Variants in CCDC91 observed in about 807,000 individuals in gnomAD.
CCDC91 encodes coiled-coil domain containing 91.
A neutral mutation model predicts 63.2 loss-of-function variants in CCDC91; 48 were observed. That is an observed-to-expected ratio of 0.76 (90% CI 0.60 to 0.97). The LOEUF is 0.97. Ranked by LOEUF, CCDC91 falls within the 50% of genes least tolerant of loss-of-function variation. The pLI, the probability that CCDC91 is intolerant of heterozygous loss-of-function variation, is 0.00. For synonymous variants in CCDC91, 167 were observed against 165.8 expected (o/e 1.01, Z -0.06); for missense variants, 500 against 494.6 (o/e 1.01, Z -0.10).
At chr12:28,299,866 A>C (rs1263672029) in intron 3 of CCDC91, among the ~76,000 whole-genome samples, 2 of 151,046 alleles carry the variant, frequency 1.3e-5, no homozygotes, top group African/African-American at 4.8e-5. Flanking sequence ...TCTAGGTTTT[A>C]AATGTTCTTT....
intron 3 of CCDC91, among the ~76,000 whole-genome samples, chr12:28,294,758 G>A (rs1261286947): frequency 6.6e-6 from 1 of 151,784 alleles, no homozygotes; most frequent in Non-Finnish European, 1.5e-5. Flanking sequence ...CTAATTTTTG[G>A]ATTTTTAGTA....
chr12:28,435,222 T>G (rs1435565044), intron 8 of CCDC91, among the ~76,000 whole-genome samples: 5 of 151,816 alleles, frequency 3.3e-5, no homozygotes, highest in Non-Finnish European at 5.9e-5. Context: ...AAGCTAAGAT[T>G]ATTGATTTAG....
chr12:28,275,109 T>C (rs571624406), intron 3 of CCDC91, among the ~76,000 whole-genome samples: 1 of 151,848 alleles, frequency 6.6e-6, no homozygotes, highest in East Asian at 1.9e-4. Flanking sequence ...AGGCAAGAAA[T>C]AACTAAGATC....
intron 7 of CCDC91, among the ~76,000 whole-genome samples, chr12:28,370,519 A>G (rs1259691759): frequency 6.6e-6 from 1 of 152,168 alleles, no homozygotes; most frequent in African/African-American, 2.4e-5. Context: ...GGAAGTTACA[A>G]ACTTTCCCAC....
chr12:28,332,209 T>C (rs1941573371), intron 6 of CCDC91, among the ~76,000 whole-genome samples: 1 of 152,124 alleles, frequency 6.6e-6, no homozygotes, highest in African/African-American at 2.4e-5. Flanking sequence ...AAATCAGATC[T>C]GGGACTTATT....
At position 28,248,373 on chromosome 12, in the gene CCDC91, C is replaced by T. The variant is rs192666068; in HGVS notation, c.-14-8829C>T. On this transcript the variant is annotated intron_variant, in intron 1 of 12. Coordinates refer to ENST00000536442, the MANE Select transcript of CCDC91 (RefSeq NM_018318.5). ...TAAATTAGAGATAGAGATACCATAGCTTATGTTTGTAAATGAATCCAAAGA... is the reference window on the plus strand; with the variant it reads ...TAAATTAGAGATAGAGATACCATAGTTTATGTTTGTAAATGAATCCAAAGA... Among the ~76,000 whole-genome samples the T allele has an allele frequency of 3.1e-3, 479 of 152,224 alleles. 5 individuals carry two copies. The highest frequency in any genetic ancestry group is 4.6e-3 in the Non-Finnish European group (310 of 68,004).
At chr12:28,538,431 T>A (rs993878476) in intron 12 of CCDC91, among the ~76,000 whole-genome samples, 1 of 152,046 alleles carries the variant, frequency 6.6e-6, no homozygotes, top group African/African-American at 2.4e-5. Context: ...ACAAAGGACA[T>A]GAACTCATCA....
chr12:28,349,319 C>T lies in CCDC91; in HGVS notation c.577-13119C>T, dbSNP rs974476197. On this transcript the variant is annotated intron_variant, in intron 6 of 12. Transcript: ENST00000536442. ...AGGTATCTTTTATTTAGGAATAGGG[C>T]GCAAAAGGTTGTTTGGAAGCTCTAT... Among the ~76,000 whole-genome samples the T allele has an allele frequency of 1.5e-4, 23 of 151,940 alleles. 1 individual carries two copies. The highest frequency in any genetic ancestry group is 7.9e-4 in the Admixed American group (12 of 15,260).
At chr12:28,203,159 G>A in intron 1 of CCDC91, among the ~76,000 whole-genome samples, 1 of 152,128 alleles carries the variant, frequency 6.6e-6, no homozygotes, top group Non-Finnish European at 1.5e-5. Flanking sequence ...TGGTACTGGG[G>A]ATAGAGGGAT....
chr12:28,438,018 A>G (rs1051830437), intron 8 of CCDC91, among the ~76,000 whole-genome samples: 3 of 152,140 alleles, frequency 2.0e-5, no homozygotes, highest in South Asian at 2.1e-4. Context: ...CTGATGATAC[A>G]TTTTTAGGAA....
At position 28,450,184 on chromosome 12, in the gene CCDC91, A is replaced by G. The variant is rs1168514950; in HGVS notation, c.786A>G (p.Leu262=). The G allele has an allele frequency of 1.2e-6, 2 of 1,606,772 alleles. No individual in the cohort carries two copies. Among genetic ancestry groups the G allele is most frequent in the Non-Finnish European group, 1.7e-6 (2 of 1,176,024 alleles). ...AGCATCAGAGGCTCCTTGAAATGCT[A>G]GATACAGAGAAGGAACTGTTAAAAG... The part of the protein sequence containing the change: ...NAQHQRLLEM[L]DTEKELLKEK... Residue 262 remains leucine, a synonymous_variant, in exon 9 of 13, where the codon CTA becomes CTG. Transcript: ENST00000536442.
intron 12 of CCDC91, among the ~76,000 whole-genome samples, chr12:28,529,776 T>C (rs7316797): frequency 0.39 from 58,770 of 152,114 alleles, 11,766 homozygotes; most frequent in Middle Eastern, 0.46. Context: ...ATAACTTGTT[T>C]CTCATATGTA....
At chr12:28,476,908 A>G (rs1258013272) in intron 11 of CCDC91, among the ~76,000 whole-genome samples, 1 of 152,194 alleles carries the variant, frequency 6.6e-6, no homozygotes, top group African/African-American at 2.4e-5. Flanking sequence ...CACCCTCACA[A>G]GACTAAACCA....
At chr12:28,258,208 T>C (rs1412762706) in intron 2 of CCDC91, among the ~76,000 whole-genome samples, 1 of 151,998 alleles carries the variant, frequency 6.6e-6, no homozygotes, top group East Asian at 1.9e-4. Context: ...GTATGCTTAA[T>C]ATTTTGGTTT....
At chr12:28,338,326 T>A (rs1328939941) in intron 6 of CCDC91, among the ~76,000 whole-genome samples, 31 of 152,004 alleles carry the variant, frequency 2.0e-4, no homozygotes, top group South Asian at 4.2e-4. Flanking sequence ...GTTTTTTTTT[T>A]TTATTATTAT....
rs73081994 is a variant in CCDC91 at position 28,190,983 on chromosome 12, G to A, written c.-15+342G>A. 6.7e-3 allele frequency among the ~76,000 whole-genome samples: 1,017 copies of A among 152,368 alleles called. 7 individuals carry two copies. The highest frequency in any genetic ancestry group is 0.065 in the Middle Eastern group (19 of 292). On this transcript the variant is annotated intron_variant, in intron 1 of 12. Transcript: ENST00000536442. The stretch of plus-strand genomic sequence containing the variant: ...GAAGCGCCTACCGAACGGAGACCTT[G>A]ATTCTTGCTTAGATTACACAGAACG...
intron 3 of CCDC91, among the ~76,000 whole-genome samples, chr12:28,274,465 A>G (rs567596962): frequency 6.6e-6 from 1 of 152,116 alleles, no homozygotes; most frequent in South Asian, 2.1e-4. Context: ...GATTCTTCCT[A>G]CTCATGAGCA....
At chr12:28,433,062 G>A (rs1393135263) in intron 8 of CCDC91, among the ~76,000 whole-genome samples, 1 of 151,620 alleles carries the variant, frequency 6.6e-6, no homozygotes, top group African/African-American at 2.4e-5. Flanking sequence ...TTTTAAGTCA[G>A]GCCTTTTTTT....
At position 28,525,683 on chromosome 12, in the gene CCDC91, G is replaced by A. The variant is rs759024619; in HGVS notation, c.1216-23380G>A. ...GCTTTCTGTCTTGATGACCTGTCTC[G>A]TGCTGTCAGTGTAGTATTTAAGTCC... On this transcript the variant is annotated intron_variant, in intron 12 of 12. Transcript: ENST00000536442. 3.9e-5 allele frequency among the ~76,000 whole-genome samples: 6 copies of A among 152,020 alleles called. No homozygotes were observed. In the South Asian group the frequency reaches 8.3e-4, roughly 21 times the overall value.
Sources: gnomAD v4.1 joint callset for allele counts (sites outside exome capture counted in the v4.1 genomes callset) on GRCh38, gnomAD v4.1.1 for gene constraint, MANE v1.5 for transcripts, NCBI Gene and HGNC (gene_info 2026-07-23, HGNC 2026-07-21) for gene names.